Variants in HDAC9 observed in about 807,000 individuals in gnomAD.
HDAC9 encodes MEF-2 interacting transcription repressor (MITR) protein.
In HDAC9, 41 loss-of-function variants were observed where a neutral mutation model predicts 139.4. The observed-to-expected ratio is 0.29, with a 90% CI of 0.23 to 0.38. The LOEUF is 0.38. HDAC9 is among the 10% of genes least tolerant of loss of function. HDAC9 has a pLI of 1.00. For missense variants in HDAC9, 1,147 were observed against 1,297.0 expected (o/e 0.88, Z 1.78); for synonymous variants, 517 against 476.2 (o/e 1.09, Z -1.12).
At chr7:18,566,274 G>A (rs1822310880) in intron 2 of HDAC9, among the ~76,000 whole-genome samples, 1 of 152,240 alleles carries the variant, frequency 6.6e-6, no homozygotes, top group Admixed American at 6.5e-5. Context: ...ATCAGGCAAA[G>A]CCTGTCCTAG....
At chr7:18,705,795 G>A (rs951447032) in intron 12 of HDAC9, among the ~76,000 whole-genome samples, 2 of 147,566 alleles carry the variant, frequency 1.4e-5, no homozygotes, top group Non-Finnish European at 3.0e-5. Flanking sequence ...GGAGGCTGCA[G>A]TGAGCCGAGA....
At chr7:18,274,553 C>A (rs2128216200) in intron 2 of HDAC9, among the ~76,000 whole-genome samples, 2 of 152,284 alleles carry the variant, frequency 1.3e-5, no homozygotes, top group South Asian at 4.2e-4. Context: ...CCTCCCAACA[C>A]TGCCACATCA....
At chr7:18,441,355 C>T (rs1409819299) in intron 1 of HDAC9, among the ~76,000 whole-genome samples, 3 of 152,008 alleles carry the variant, frequency 2.0e-5, no homozygotes, top group African/African-American at 4.8e-5. Flanking sequence ...TTTTGGATTA[C>T]CTTTTATCTT....
At chr7:18,472,082 C>T (rs747388556) in intron 1 of HDAC9, among the ~76,000 whole-genome samples, 1 of 152,202 alleles carries the variant, frequency 6.6e-6, no homozygotes, top group Non-Finnish European at 1.5e-5. Context: ...CAGACTTCCT[C>T]TAAACCTGAA....
intron 2 of HDAC9, among the ~76,000 whole-genome samples, chr7:18,251,110 TG>T: frequency 6.6e-6 from 1 of 152,344 alleles, no homozygotes; most frequent in South Asian, 2.1e-4. Context: ...TCAATCTAAA[TG>T]ACCATCAGTC....
chr7:18,933,268 C>T (rs1466320677), intron 22 of HDAC9, among the ~76,000 whole-genome samples: 1 of 152,056 alleles, frequency 6.6e-6, no homozygotes, highest in East Asian at 1.9e-4. Flanking sequence ...AGACTTGGAC[C>T]CTTAGAAGGC....
rs867852177 is a variant in HDAC9 at position 18,732,711 on chromosome 7, G to A, written c.1909+4954G>A. Among the ~76,000 whole-genome samples the A allele has an allele frequency of 9.0e-5, 12 of 133,144 alleles. 1 individual carries two copies. The highest frequency in any genetic ancestry group is 1.6e-4 in the Non-Finnish European group (10 of 62,218). 87.3% of individuals were successfully genotyped at this position (133,144 alleles called of 152,430 possible). ...TACACACACACACGTGTATGTGTGC[G>A]TATGTGTACACACACACACGTGTAT... On this transcript the variant is annotated intron_variant, in intron 13 of 25. Coordinates refer to ENST00000686413, the MANE Select transcript of HDAC9 (RefSeq NM_178425.4).
chr7:18,351,003 A>C (rs1259579305), intron 1 of HDAC9, among the ~76,000 whole-genome samples: 1 of 152,298 alleles, frequency 6.6e-6, no homozygotes, highest in Admixed American at 6.5e-5. Flanking sequence ...CCCCTGCCTA[A>C]GTTAAATGAC....
intron 2 of HDAC9, among the ~76,000 whole-genome samples, chr7:18,508,289 C>T (rs570603841): frequency 1.1e-4 from 17 of 152,186 alleles, no homozygotes; most frequent in Middle Eastern, 3.4e-3. Flanking sequence ...GGGTATCTTT[C>T]TAAAAAAAGT....
rs950309661 is a variant in HDAC9 at position 18,905,681 on chromosome 7, T to C, written c.2804-30128T>C. ...AAAGCATTTATTGTATGCAGGGAAA[T>C]GGAAGGGATTTCCATTGCAGATGAG... On this transcript the variant is annotated intron_variant, in intron 22 of 25. Coordinates refer to ENST00000686413, the MANE Select transcript of HDAC9 (RefSeq NM_178425.4). Among the ~76,000 whole-genome samples, 7 of 152,178 alleles carry C rather than the reference T, an allele frequency of 4.6e-5. No individual in the cohort carries two copies. The East Asian group carries it at 1.3e-3, about 29-fold the overall frequency.
intron 17 of HDAC9, among the ~76,000 whole-genome samples, chr7:18,809,598 T>C (rs1345606545): frequency 6.6e-6 from 1 of 151,958 alleles, no homozygotes; most frequent in Admixed American, 6.6e-5. Flanking sequence ...AGAAGGCATA[T>C]ATCTGGCCAA....
chr7:18,802,803 A>G (rs1793414195), intron 17 of HDAC9, among the ~76,000 whole-genome samples: 2 of 151,808 alleles, frequency 1.3e-5, no homozygotes, highest in South Asian at 4.1e-4. Flanking sequence ...TAATATAGCA[A>G]AAACAGCTTT....
intron 1 of HDAC9, among the ~76,000 whole-genome samples, chr7:18,328,808 A>T (rs1481657902): frequency 6.6e-6 from 1 of 151,906 alleles, no homozygotes; most frequent in African/African-American, 2.4e-5. Context: ...TATCATGGTA[A>T]TGATGGCCTT....
At chr7:18,763,945 A>G (rs1341484922) in intron 15 of HDAC9, among the ~76,000 whole-genome samples, 1 of 152,182 alleles carries the variant, frequency 6.6e-6, no homozygotes, top group Non-Finnish European at 1.5e-5. Flanking sequence ...CTCCAAAACA[A>G]CCATTGTTCC....
chr7:18,827,662 C>A (rs543984584), intron 17 of HDAC9, among the ~76,000 whole-genome samples: 11 of 152,206 alleles, frequency 7.2e-5, no homozygotes, highest in African/African-American at 2.6e-4. Context: ...ATACCTTTAA[C>A]CCATTAAACA....
At chr7:18,700,119 G>GA (rs201852663) in intron 12 of HDAC9, among the ~76,000 whole-genome samples, 6 of 150,642 alleles carry the variant, frequency 4.0e-5, no homozygotes, top group East Asian at 1.9e-4. Flanking sequence ...GCTACAAGAA[G>GA]AAAAAAAAAT....
At chr7:18,974,622 T>C (rs1784444180) in intron 24 of HDAC9, among the ~76,000 whole-genome samples, 1 of 152,232 alleles carries the variant, frequency 6.6e-6, no homozygotes, top group African/African-American at 2.4e-5. Context: ...TAAATAGTAA[T>C]GGACACCTAT....
intron 1 of HDAC9, among the ~76,000 whole-genome samples, chr7:18,161,375 G>A (rs748311297): frequency 1.3e-5 from 2 of 152,098 alleles, no homozygotes; most frequent in Non-Finnish European, 2.9e-5. Flanking sequence ...AAATACGTTG[G>A]ATTCTGAAGA....
intron 6 of HDAC9, among the ~76,000 whole-genome samples, chr7:18,623,672 A>G (rs1449693197): frequency 6.6e-6 from 1 of 152,144 alleles, no homozygotes; most frequent in African/African-American, 2.4e-5. Context: ...GGCTGGGTGC[A>G]GTGGCTCACG....
Sources: allele counts gnomAD v4.1 joint callset (sites outside exome capture counted in the v4.1 genomes callset), GRCh38; gene constraint gnomAD v4.1.1; transcripts MANE v1.5; gene names NCBI Gene and HGNC (gene_info 2026-07-23, HGNC 2026-07-21).